CSMD1: variants seen among roughly 807,000 people sequenced by gnomAD.
CSMD1 encodes the protein CUB and sushi domain-containing protein 1.
In CSMD1, 213 loss-of-function variants were observed where a neutral mutation model predicts 417.5. That is an observed-to-expected ratio of 0.51 (90% confidence interval 0.46 to 0.57). CSMD1 has a LOEUF of 0.57. CSMD1 is among the 20% of genes least tolerant of loss of function. The probability of loss-of-function intolerance (pLI) is 0.00; values close to 1 mark genes in which losing one functional copy is unlikely to be tolerated. For synonymous variants in CSMD1, 2,862 were observed against 1,736.8 expected (o/e 1.65, Z -16.11); for missense variants, 6,923 against 4,529.7 (o/e 1.53, Z -15.17).
rs150317815 is a variant in CSMD1 at position 4,532,911 on chromosome 8, G to A, written c.302+104431C>T. ...CTGCACCCCCATTCAGAGTCACTCC[G>A]GAAGAGAAATCTTGCACCTGCATTC... On this transcript the variant is annotated intron_variant, in intron 2 of 69. Transcript: ENST00000635120. Among the ~76,000 whole-genome samples, 112 of 151,108 alleles carry A rather than the reference G, an allele frequency of 7.4e-4. 1 individual carries two copies. The East Asian group carries it at 0.013, about 18-fold the overall frequency.
At chr8:3,377,996 G>C (rs1015949857) in intron 18 of CSMD1, among the ~76,000 whole-genome samples, 11 of 152,200 alleles carry the variant, frequency 7.2e-5, no homozygotes, top group Non-Finnish European at 1.3e-4. Context: ...AGCAATTCCA[G>C]AGGAATGCTC....
At chr8:4,430,355 A>G (rs1261244741) in intron 2 of CSMD1, among the ~76,000 whole-genome samples, 3 of 152,160 alleles carry the variant, frequency 2.0e-5, no homozygotes, top group African/African-American at 7.2e-5. Flanking sequence ...AAAGGCTTAC[A>G]TCATTAAAGG....
chr8:3,292,154 T>G (rs1414927168), intron 25 of CSMD1, among the ~76,000 whole-genome samples: 1 of 152,238 alleles, frequency 6.6e-6, no homozygotes, highest in Non-Finnish European at 1.5e-5. Flanking sequence ...AGTTTCTTTA[T>G]CTTGAGTTCT....
At chr8:3,697,743 T>C (rs942871632) in intron 7 of CSMD1, among the ~76,000 whole-genome samples, 4 of 152,150 alleles carry the variant, frequency 2.6e-5, no homozygotes, top group Non-Finnish European at 4.4e-5. Flanking sequence ...TATATAAAAT[T>C]TGATGAAAAT....
chr8:4,717,767 G>C (rs1446281647), intron 1 of CSMD1, among the ~76,000 whole-genome samples: 1 of 152,080 alleles, frequency 6.6e-6, no homozygotes, highest in African/African-American at 2.4e-5. Context: ...GAAACTGTCA[G>C]ATTGTCAATA....
At chr8:3,927,056 A>G (rs993684636) in intron 5 of CSMD1, among the ~76,000 whole-genome samples, 8 of 151,848 alleles carry the variant, frequency 5.3e-5, no homozygotes, top group Admixed American at 3.9e-4. Flanking sequence ...TTATGTTTTT[A>G]TAAGAGGTAA....
At chr8:3,960,908 T>C (rs1812281119) in intron 5 of CSMD1, among the ~76,000 whole-genome samples, 1 of 152,158 alleles carries the variant, frequency 6.6e-6, no homozygotes, top group Middle Eastern at 3.4e-3. Context: ...AAAAGTCCTC[T>C]AGACTTAGAT....
At chr8:4,543,522 T>G (rs910794385) in intron 2 of CSMD1, among the ~76,000 whole-genome samples, 2 of 152,134 alleles carry the variant, frequency 1.3e-5, no homozygotes, top group South Asian at 4.1e-4. Flanking sequence ...GACCACAGTT[T>G]ATACATTCAC....
At chr8:3,551,496 G>A (rs938719784) in intron 10 of CSMD1, among the ~76,000 whole-genome samples, 1 of 150,636 alleles carries the variant, frequency 6.6e-6, no homozygotes, top group African/African-American at 2.4e-5. Flanking sequence ...TATTGTGACT[G>A]TTTGATAAGA....
intron 2 of CSMD1, among the ~76,000 whole-genome samples, chr8:4,427,348 A>C (rs1262909662): frequency 6.6e-6 from 1 of 152,132 alleles, no homozygotes; most frequent in Non-Finnish European, 1.5e-5. Flanking sequence ...AAACTGTGTC[A>C]GGACACGGCA....
intron 1 of CSMD1, among the ~76,000 whole-genome samples, chr8:4,767,802 A>C (rs929476420): frequency 1.3e-5 from 2 of 152,176 alleles, no homozygotes; most frequent in Non-Finnish European, 2.9e-5. Context: ...GTTCCCAAAC[A>C]CTTATTTACC....
At chr8:4,493,916 CAACT>C (rs1801848516) in intron 2 of CSMD1, among the ~76,000 whole-genome samples, 1 of 152,134 alleles carries the variant, frequency 6.6e-6, no homozygotes, top group Non-Finnish European at 1.5e-5. Flanking sequence ...TAGACACTAA[CAACT>C]GACTTGAATT....
chr8:3,786,952 C>G (rs1271751446), intron 5 of CSMD1, among the ~76,000 whole-genome samples: 3 of 152,226 alleles, frequency 2.0e-5, no homozygotes, highest in East Asian at 3.9e-4. Context: ...TGGATGGACA[C>G]CGGCATTCAA....
intron 5 of CSMD1, among the ~76,000 whole-genome samples, chr8:3,830,111 T>G (rs1563123021): frequency 6.6e-6 from 1 of 152,188 alleles, no homozygotes; most frequent in Non-Finnish European, 1.5e-5. Context: ...GACCCTAAAG[T>G]GAAGGAGAGT....
At chr8:4,474,924 A>C (rs1447380854) in intron 2 of CSMD1, among the ~76,000 whole-genome samples, 1 of 152,144 alleles carries the variant, frequency 6.6e-6, no homozygotes, top group Non-Finnish European at 1.5e-5. Context: ...AACATACAAA[A>C]TGTGTTAATT....
intron 2 of CSMD1, among the ~76,000 whole-genome samples, chr8:4,605,480 T>G (rs776135199): frequency 6.6e-6 from 1 of 152,210 alleles, no homozygotes; most frequent in African/African-American, 2.4e-5. Flanking sequence ...ATCTTACCTT[T>G]ATGCCCGACT....
At chr8:3,715,779 G>C (rs1347346157) in intron 6 of CSMD1, among the ~76,000 whole-genome samples, 2 of 152,130 alleles carry the variant, frequency 1.3e-5, no homozygotes, top group Non-Finnish European at 2.9e-5. Context: ...CCGACCTCAT[G>C]TGATCCTCCC....
intron 2 of CSMD1, among the ~76,000 whole-genome samples, chr8:4,421,218 T>G (rs902026106): frequency 6.6e-6 from 1 of 152,168 alleles, no homozygotes; most frequent in Non-Finnish European, 1.5e-5. Context: ...GACAAGTCAG[T>G]GAAGCAAACG....
At chr8:4,058,468 C>A (rs552130098) in intron 3 of CSMD1, among the ~76,000 whole-genome samples, 1 of 152,114 alleles carries the variant, frequency 6.6e-6, no homozygotes, top group African/African-American at 2.4e-5. Flanking sequence ...TACACAATCA[C>A]GTCATCTGCA....
Sources: gnomAD v4.1 joint callset for allele counts (sites outside exome capture counted in the v4.1 genomes callset) on GRCh38, gnomAD v4.1.1 for gene constraint, MANE v1.5 for transcripts, NCBI Gene and HGNC (gene_info 2026-07-23, HGNC 2026-07-21) for gene names.